Variants in ATP10B observed in about 807,000 individuals in gnomAD.
The protein encoded by ATP10B is phospholipid-transporting ATPase VB.
Under a neutral mutation model 141.2 loss-of-function variants are expected in ATP10B, and 122 were observed. The ratio of observed to expected loss-of-function variants is 0.86; its 90% CI spans 0.75 to 1.00. The LOEUF (loss-of-function observed/expected upper bound fraction) is 1.00, where lower values mean the gene tolerates loss of function less well. ATP10B is among the 50% of genes least tolerant of loss of function. The pLI, the probability that ATP10B is intolerant of heterozygous loss-of-function variation, is 0.00. For missense variants in ATP10B, 1,876 were observed against 1,825.3 expected, an observed-to-expected ratio of 1.03 and a Z score of -0.51; for synonymous variants, 685 against 692.0, an observed-to-expected ratio of 0.99 and a Z score of 0.16.
intron 1 of ATP10B, among the ~76,000 whole-genome samples, chr5:160,844,120 A>T (rs1452826252): frequency 6.6e-6 from 1 of 152,186 alleles, no homozygotes; most frequent in African/African-American, 2.4e-5. Flanking sequence ...TGTAAATTGG[A>T]ATAATTAATT....
At chr5:160,731,121 T>C (rs1766712323) in intron 2 of ATP10B, among the ~76,000 whole-genome samples, 2 of 152,250 alleles carry the variant, frequency 1.3e-5, no homozygotes, top group South Asian at 4.1e-4. Flanking sequence ...TGCTTTTTTA[T>C]TCAACAGTAG....
chr5:160,651,114 C>T (rs1760701586), intron 7 of ATP10B, among the ~76,000 whole-genome samples: 1 of 152,142 alleles, frequency 6.6e-6, no homozygotes, highest in African/African-American at 2.4e-5. Context: ...AGCTTACCGT[C>T]ATTCTATGAA....
intron 7 of ATP10B, among the ~76,000 whole-genome samples, chr5:160,665,552 T>C (rs767341270): frequency 3.9e-5 from 6 of 152,230 alleles, no homozygotes; most frequent in Middle Eastern, 3.2e-3. Context: ...TTAATGAACA[T>C]TGGAACCTGC....
chr5:160,911,954 A>G, the ATP10B span, among the ~76,000 whole-genome samples: 1 of 152,232 alleles, frequency 6.6e-6, no homozygotes, highest in African/African-American at 2.4e-5. Flanking sequence ...CATGATTATT[A>G]TATTCTAAGT....
At chr5:160,632,502 T>A (rs1168297688) in intron 12 of ATP10B, 135 bp from the exon 13 acceptor site, 1 of 754,608 alleles carries the variant, frequency 1.3e-6, no homozygotes, top group African/African-American at 1.7e-5. Flanking sequence ...GCATCTGGGC[T>A]ACCAAGACTG....
At chr5:160,584,166 G>A (rs550175123) in intron 24 of ATP10B, among the ~76,000 whole-genome samples, 20 of 152,206 alleles carry the variant, frequency 1.3e-4, no homozygotes, top group Admixed American at 2.0e-4. Context: ...CCCTCGTGGT[G>A]TAGGCACCCG....
the ATP10B span, among the ~76,000 whole-genome samples, chr5:160,892,926 C>A: frequency 1.3e-5 from 2 of 152,134 alleles, no homozygotes; most frequent in African/African-American, 4.8e-5. Flanking sequence ...TGTCATGTAA[C>A]CCGGGAAGTG....
rs569923331 is a variant in ATP10B, at chr5:160,579,563, A to G, written c.3751-9880T>C. 2.1e-4 allele frequency among the ~76,000 whole-genome samples: 32 copies of G among 152,288 alleles called. No homozygotes were observed. The South Asian group carries it at 2.5e-3, about 12-fold the overall frequency. ...GTACCAGTACCATGCTGTTTTGGTT[A>G]CTGTAGCCTTGTAGCATAGTTTGAA... On this transcript the variant is annotated intron_variant, in intron 24 of 25. Transcript: ENST00000327245.
the ATP10B span, among the ~76,000 whole-genome samples, chr5:160,870,368 T>TA: frequency 6.7e-5 from 10 of 150,158 alleles, no homozygotes; most frequent in Non-Finnish European, 8.9e-5. Flanking sequence ...ATGATGATTA[T>TA]AAAAAAAATA....
intron 2 of ATP10B, among the ~76,000 whole-genome samples, chr5:160,751,614 T>C (rs1768153789): frequency 6.6e-6 from 1 of 152,138 alleles, no homozygotes; most frequent in South Asian, 2.1e-4. Flanking sequence ...AGTGCTTTCA[T>C]GCTCTTCCGG....
At chr5:160,675,365 G>T (rs1262156511) in intron 6 of ATP10B, among the ~76,000 whole-genome samples, 1 of 152,226 alleles carries the variant, frequency 6.6e-6, no homozygotes, top group African/African-American at 2.4e-5. Flanking sequence ...ATTAAGTGGT[G>T]CAGTGCTAAA....
chr5:160,773,448 C>A (rs1335046309), intron 2 of ATP10B, among the ~76,000 whole-genome samples: 4 of 152,062 alleles, frequency 2.6e-5, no homozygotes, highest in Non-Finnish European at 5.9e-5. Context: ...ACTGTCTTGG[C>A]GAGGTGGTTT....
intron 1 of ATP10B, among the ~76,000 whole-genome samples, chr5:160,789,408 T>C (rs1771406733): frequency 6.6e-6 from 1 of 152,188 alleles, no homozygotes; most frequent in African/African-American, 2.4e-5. Context: ...CTACTGTGAC[T>C]AGACTACAAA....
intron 7 of ATP10B, among the ~76,000 whole-genome samples, chr5:160,661,911 C>T (rs1761945659): frequency 1.3e-5 from 2 of 152,170 alleles, no homozygotes; most frequent in South Asian, 2.1e-4. Flanking sequence ...ATCGTCTCAG[C>T]TCAAAATCTC....
At chr5:160,641,654 T>G (rs1291538554) in intron 9 of ATP10B, among the ~76,000 whole-genome samples, 2 of 152,068 alleles carry the variant, frequency 1.3e-5, no homozygotes, top group Non-Finnish European at 2.9e-5. Context: ...GAGCTAAGAG[T>G]CAAACTGAGA....
intron 13 of ATP10B, among the ~76,000 whole-genome samples, chr5:160,623,309 C>G (rs1363892403): frequency 2.0e-5 from 3 of 152,320 alleles, no homozygotes; most frequent in South Asian, 2.1e-4. Context: ...ATTCTTAACT[C>G]AGAATGTCCA....
At chr5:160,691,027 TA>T (rs1166257067) in intron 3 of ATP10B, among the ~76,000 whole-genome samples, 1 of 152,086 alleles carries the variant, frequency 6.6e-6, no homozygotes, top group African/African-American at 2.4e-5. Context: ...TAGGCAGCCA[TA>T]AAAAAGGATG....
At chr5:160,880,844 A>G in the ATP10B span, among the ~76,000 whole-genome samples, 2 of 152,334 alleles carry the variant, frequency 1.3e-5, no homozygotes, top group South Asian at 4.1e-4. Flanking sequence ...AAATCCTAGA[A>G]AATGTAGGAG....
At chr5:160,876,456 T>G in the ATP10B span, among the ~76,000 whole-genome samples, 833 of 149,852 alleles carry the variant, frequency 5.6e-3, 9 homozygotes, top group African/African-American at 0.019. Context: ...ATTGACACCC[T>G]AATATCACAA....
Sources: allele counts gnomAD v4.1 joint callset (sites outside exome capture counted in the v4.1 genomes callset), GRCh38; gene constraint gnomAD v4.1.1; transcripts MANE v1.5; gene names NCBI Gene and HGNC (gene_info 2026-07-23, HGNC 2026-07-21).